KDELR3: variants seen among roughly 807,000 people sequenced by gnomAD.
The protein encoded by KDELR3 is KDEL endoplasmic reticulum protein retention receptor 3, also known as ER lumen protein-retaining receptor 3.
KDELR3 carries 26 observed loss-of-function variants against 22.7 expected under a neutral mutation model. The ratio of observed to expected loss-of-function variants is 1.15; its 90% confidence interval spans 0.84 to 1.59. KDELR3 has a LOEUF of 1.59. KDELR3 is among the 40% of genes most tolerant of loss of function. KDELR3 has a pLI of 0.00. For synonymous variants in KDELR3, 120 were observed against 98.2 expected (o/e 1.22, Z -1.31); for missense variants, 289 against 251.1 (o/e 1.15, Z -1.02).
chr22:38,481,384 T>C lies in KDELR3; in HGVS notation c.524T>C (p.Phe175Ser), dbSNP rs746241413. ...ATCAGGCGGTACCAGACTGAGAATT[T>C]CTATGACCAAATTGCAGTCGTGTCT... ...NWIRRYQTEN[F>S]YDQIAVVSGV... is the part of the protein sequence containing the mutation. Residue 175 changes from phenylalanine to serine, a missense_variant, in exon 4 of 5, where the codon TTC becomes TCC. Phe to Ser is a radical substitution (Grantham distance 155, BLOSUM62 -2). Transcript: ENST00000216014. 6.2e-7 allele frequency: 1 copy of C among 1,614,206 alleles called. No homozygotes were observed. Among genetic ancestry groups the C allele is most frequent in the Non-Finnish European group, 8.5e-7 (1 of 1,180,048 alleles).
At chr22:38,481,071 AAAT>A (rs2089596100) in intron 3 of KDELR3, 138 bp from the exon 4 acceptor site, 6 of 764,272 alleles carry the variant, frequency 7.9e-6, no homozygotes, top group Admixed American at 4.8e-5. Flanking sequence ...AAACTGATTA[AAAT>A]ATTATAATTT....
chr22:38,476,485 TG>T (rs2145966841), intron 2 of KDELR3, among the ~76,000 whole-genome samples: 1 of 152,290 alleles, frequency 6.6e-6, no homozygotes, highest in African/African-American at 2.4e-5. Context: ...CCCGAAGTGC[TG>T]GGATTACAGG....
rs1032245347 is a variant in KDELR3, at chr22:38,479,878, T to G, written c.351+127T>G. 3.4e-6 allele frequency: 3 copies of G among 872,268 alleles called. No homozygotes were observed. The African/African-American group carries it at 5.0e-5, about 15-fold the overall frequency. 54.0% of individuals were successfully genotyped at this position (872,268 alleles called of 1,614,324 possible). ...ACTCATGTATCTTTCAGTTATAAGT[T>G]GAGAAGAAATTGACAAGCTATTTAC... On this transcript the variant is annotated intron_variant, in intron 3 of 4. Coordinates refer to ENST00000216014, the MANE Select transcript of KDELR3 (RefSeq NM_006855.4).
At chr22:38,469,789 C>T (rs189383823) in intron 1 of KDELR3, among the ~76,000 whole-genome samples, 3 of 152,308 alleles carry the variant, frequency 2.0e-5, no homozygotes, top group African/African-American at 7.2e-5. Flanking sequence ...AGCAGAGGCC[C>T]AGCCCTGGTG....
chr22:38,479,922 G>A (rs750373209), intron 3 of KDELR3, among the ~76,000 whole-genome samples, 171 bp downstream of exon 3: 4 of 152,198 alleles, frequency 2.6e-5, no homozygotes, highest in Non-Finnish European at 5.9e-5. Context: ...AGTTGGAAAT[G>A]AGCACATCTC....
At chr22:38,473,218 T>TCAC (rs2089535706) in intron 1 of KDELR3, among the ~76,000 whole-genome samples, 1 of 151,364 alleles carries the variant, frequency 6.6e-6, no homozygotes, top group Non-Finnish European at 1.5e-5. Context: ...GGCCCAGGAG[T>TCAC]TTGAGACCAG....
intron 3 of KDELR3, among the ~76,000 whole-genome samples, chr22:38,480,957 T>C (rs2089595130): frequency 6.6e-6 from 1 of 151,992 alleles, no homozygotes; most frequent in African/African-American, 2.4e-5. Context: ...AAAAGTAGTT[T>C]TCTATATAAA....
At chr22:38,481,692 C>T (rs2089603054) in intron 4 of KDELR3, 1 of 1,345,240 alleles carries the variant, frequency 7.4e-7, no homozygotes, top group East Asian at 2.6e-5. Context: ...TGACATTTGA[C>T]AGAATACTTG....
Position 38,474,529 on chromosome 22 carries a change from C to T in KDELR3, c.98C>T (p.Ser33Phe), listed in dbSNP as rs2145965182. 1 of 1,613,694 alleles carries T rather than the reference C, an allele frequency of 6.2e-7. No individual in the cohort carries two copies. Among genetic ancestry groups the T allele is most frequent in the East Asian group, 2.2e-5 (1 of 44,870 alleles). ...IWRSKCCKGI[S>F]GKSQILFALV... ...TGTCTACCCTTGGCCACAGGCATCT[C>T]TGGGAAGAGCCAGATCCTGTTTGCT... Residue 33 changes from serine (S) to phenylalanine (F), a missense_variant, in exon 2 of 5, where the codon TCT (serine) becomes TTT (phenylalanine). Transcript: ENST00000216014.
chr22:38,468,551 A>G (rs527349376), intron 1 of KDELR3, among the ~76,000 whole-genome samples: 5 of 152,074 alleles, frequency 3.3e-5, no homozygotes, highest in Non-Finnish European at 5.9e-5. Flanking sequence ...TCCTGCACAG[A>G]CGCCCCCTCA....
At chr22:38,468,385 G>C in intron 1 of KDELR3, 61 bp downstream of exon 1, 4 of 1,483,988 alleles carry the variant, frequency 2.7e-6, no homozygotes, top group Admixed American at 3.4e-5. Context: ...ATGCCCCTGC[G>C]TGCAGGGCAG....
chr22:38,483,305 G>T lies in KDELR3; in HGVS notation c.*769G>T, dbSNP rs958564754. 1.3e-5 allele frequency: 2 copies of T among 150,632 alleles called. No homozygotes were observed. Among genetic ancestry groups the T allele is most frequent in the Non-Finnish European group, 2.9e-5 (2 of 67,998 alleles). 9.3% of individuals were successfully genotyped at this position (150,632 alleles called of 1,614,324 possible). On this transcript the variant is annotated 3_prime_UTR_variant, in exon 5 of 5. Transcript: ENST00000216014. ...TTTTCAATTCCAATTCTTGTATTAA[G>T]TTTTTTCCTTTCAGTTTTAGGTGCG...
intron 2 of KDELR3, among the ~76,000 whole-genome samples, chr22:38,475,730 C>T (rs117317474): frequency 0.019 from 2,851 of 152,088 alleles, 45 homozygotes; most frequent in Middle Eastern, 0.051. Flanking sequence ...GGTTTCAAGC[C>T]GGGAGCTTGC....
intron 1 of KDELR3, among the ~76,000 whole-genome samples, chr22:38,470,806 G>T (rs1470131309): frequency 6.6e-6 from 1 of 152,076 alleles, no homozygotes; most frequent in Admixed American, 6.5e-5. Context: ...GCAGCTTCCT[G>T]GTGGAAATGA....
In KDELR3 at chr22:38,481,483, G is replaced by C; in HGVS notation, c.604+19G>C. On this transcript the variant is annotated intron_variant, in intron 4 of 4. Transcript: ENST00000216014. The stretch of plus-strand genomic sequence containing the variant: ...ACCAAAGGTAGGTCCTGGGATGACA[G>C]CAATGCTGACACTGGCCTAAGGAGT... 1 of 1,614,108 alleles carries C rather than the reference G, an allele frequency of 6.2e-7. No homozygotes were observed. The highest frequency in any genetic ancestry group is 8.5e-7 in the Non-Finnish European group (1 of 1,180,018).
In KDELR3 at chr22:38,482,622, G is replaced by T. The variant is rs1007584313; in HGVS notation, c.*86G>T. On this transcript the variant is annotated 3_prime_UTR_variant, in exon 5 of 5. Coordinates refer to ENST00000216014, the MANE Select transcript of KDELR3 (RefSeq NM_006855.4). ...TCTTTGGCAACTTATCCATAATTTG[G>T]GATCAAATGTTAAAACCAGAAAAGT... is the stretch of plus-strand genomic sequence containing the variant. 21 of 1,245,950 alleles carry T rather than the reference G, an allele frequency of 1.7e-5. No individual in the cohort carries two copies. Among genetic ancestry groups the T allele is most frequent in the South Asian group, 2.5e-5 (2 of 80,388 alleles). The allele number at this position is 1,245,950 out of a possible 1,614,324, so 77.2% of individuals were successfully genotyped here.
intron 1 of KDELR3, among the ~76,000 whole-genome samples, chr22:38,472,578 G>T (rs749068206): frequency 6.6e-6 from 1 of 152,170 alleles, no homozygotes; most frequent in Non-Finnish European, 1.5e-5. Context: ...TGGAAAAAGG[G>T]CAGCAGTGGG....
At position 38,482,863 on chromosome 22, in the gene KDELR3, A is replaced by G; in HGVS notation, c.*327A>G. The G allele has an allele frequency of 3.2e-6, 1 of 309,170 alleles. No homozygotes were observed. Among genetic ancestry groups the G allele is most frequent in the Non-Finnish European group, 6.0e-6 (1 of 167,966 alleles). The allele number at this position is 309,170 out of a possible 1,614,324, so 19.2% of individuals were successfully genotyped here. ...AGGCCTGAGGGCAAGACTCATGATG[A>G]GCAAGTCAACCCCAATCTGGAACAA... On this transcript the variant is annotated 3_prime_UTR_variant, in exon 5 of 5. Transcript: ENST00000216014.
intron 4 of KDELR3, among the ~76,000 whole-genome samples, chr22:38,482,186 G>C (rs1244485778): frequency 6.6e-6 from 1 of 152,172 alleles, no homozygotes; most frequent in Admixed American, 6.5e-5. Context: ...CAGGAAAAAG[G>C]CTCTAGGTAG....
Sources: gnomAD v4.1 joint callset for allele counts (sites outside exome capture counted in the v4.1 genomes callset) on GRCh38, gnomAD v4.1.1 for gene constraint, MANE v1.5 for transcripts, NCBI Gene and HGNC (gene_info 2026-07-23, HGNC 2026-07-21) for gene names.